Variants in RBM25 observed in about 807,000 individuals in gnomAD.
RBM25 encodes RNA-binding protein 25.
RBM25 carries 19 observed loss-of-function variants against 120.7 expected under a neutral mutation model. The ratio of observed to expected loss-of-function variants is 0.16; its 90% CI spans 0.11 to 0.23. RBM25 has a LOEUF of 0.23. Ranked by LOEUF, RBM25 falls within the 10% of genes least tolerant of loss-of-function variation. The pLI, the probability that RBM25 is intolerant of heterozygous loss-of-function variation, is 1.00. For synonymous variants in RBM25, 390 were observed against 326.7 expected (o/e 1.19, Z -2.09); for missense variants, 605 against 1,041.5 (o/e 0.58, Z 5.77).
chr14:73,064,640 G>A (rs1006821988), intron 1 of RBM25, among the ~76,000 whole-genome samples: 2 of 151,094 alleles, frequency 1.3e-5, no homozygotes, highest in African/African-American at 2.4e-5. Context: ...TGATCCGCCC[G>A]CCTCAGCCTC....
At chr14:73,087,963 G>T (rs1375020294) in intron 5 of RBM25, 38 bp from the exon 6 acceptor site, 5 of 1,581,044 alleles carry the variant, frequency 3.2e-6, no homozygotes, top group Non-Finnish European at 4.3e-6. Flanking sequence ...TTTTGTAAGT[G>T]AATTGGTATT....
At chr14:73,086,611 TATTA>T (rs1895691840) in intron 5 of RBM25, among the ~76,000 whole-genome samples, 2 of 152,204 alleles carry the variant, frequency 1.3e-5, no homozygotes, top group Non-Finnish European at 2.9e-5. Context: ...GATGATAAAC[TATTA>T]ATTACTGAGT....
intron 7 of RBM25, among the ~76,000 whole-genome samples, chr14:73,098,126 G>A (rs1895988080): frequency 6.6e-6 from 1 of 152,050 alleles, no homozygotes; most frequent in South Asian, 2.1e-4. Flanking sequence ...ACAAATATTG[G>A]AAGTGTTTTA....
At chr14:73,096,200 C>T (rs562791633) in intron 6 of RBM25, among the ~76,000 whole-genome samples, 14 of 152,252 alleles carry the variant, frequency 9.2e-5, no homozygotes, top group Admixed American at 6.5e-4. Context: ...TGGTCTTGAA[C>T]TCCTGACCTC....
At position 73,097,203 on chromosome 14, in the gene RBM25, T is replaced by TTC. The variant is rs1280501260; in HGVS notation, c.729+104_729+105insCT. 218 of 738,312 alleles carry TTC rather than the reference T, an allele frequency of 3.0e-4. 3 individuals are homozygous for TTC. In the African/African-American group the frequency reaches 4.6e-3, roughly 16 times the overall value. 45.7% of individuals were successfully genotyped at this position (738,312 alleles called of 1,614,324 possible). A position where few individuals can be genotyped will look rare whatever the true frequency, so the allele number is the denominator to read the frequency against. ...AGTTTTCTTTTTTCTTTTCTTTTTT[T>TTC]TTTTTTTTTTTTTTTGAGATGGAGG... On this transcript the variant is annotated intron_variant, in intron 7 of 18. Transcript: ENST00000261973.
At chr14:73,106,522 T>A (rs1896191688) in intron 12 of RBM25, among the ~76,000 whole-genome samples, 1 of 152,180 alleles carries the variant, frequency 6.6e-6, no homozygotes, top group Admixed American at 6.5e-5. Flanking sequence ...AGTAAATTTG[T>A]CATATAGTAA....
At chr14:73,119,108 A>G (rs1274481551) in intron 18 of RBM25, among the ~76,000 whole-genome samples, 1 of 152,104 alleles carries the variant, frequency 6.6e-6, no homozygotes, top group Non-Finnish European at 1.5e-5. Flanking sequence ...CACACTGGAC[A>G]AATTTTCTTT....
intron 5 of RBM25, among the ~76,000 whole-genome samples, chr14:73,087,097 TC>T (rs1204535731): frequency 6.6e-6 from 1 of 152,214 alleles, no homozygotes; most frequent in African/African-American, 2.4e-5. Flanking sequence ...GTAGTTTTTT[TC>T]TGTTTCCTGT....
intron 4 of RBM25, among the ~76,000 whole-genome samples, chr14:73,082,919 A>C (rs967333716): frequency 6.6e-6 from 1 of 151,502 alleles, no homozygotes; most frequent in African/African-American, 2.4e-5. Context: ...AAAAAAAAAA[A>C]ACAAAAAACA....
At position 73,102,771 on chromosome 14, in the gene RBM25, G is replaced by A. The variant is rs750128757; in HGVS notation, c.868-421G>A. On this transcript the variant is annotated intron_variant, in intron 9 of 18. Transcript: ENST00000261973. Reference sequence around the variant, plus strand: ...ACTTGCCCTTTGAAACCCTCAACTTGAGGTAATGTGCAGTCTGGGGTTTTA... The same window carrying A: ...ACTTGCCCTTTGAAACCCTCAACTTAAGGTAATGTGCAGTCTGGGGTTTTA... 2.0e-4 allele frequency: 32 copies of A among 160,308 alleles called. 1 individual carries two copies. The highest frequency in any genetic ancestry group is 1.1e-3 in the Admixed American group (18 of 16,868). 9.9% of individuals were successfully genotyped at this position (160,308 alleles called of 1,614,324 possible).
At chr14:73,100,261 A>T (rs1330786917) in intron 9 of RBM25, 1 of 662,956 alleles carries the variant, frequency 1.5e-6, no homozygotes, top group Non-Finnish European at 2.8e-6. Context: ...GTAAATTCCC[A>T]TAAAGCTAAT....
At chr14:73,063,750 C>G (rs966590984) in intron 1 of RBM25, among the ~76,000 whole-genome samples, 1 of 151,296 alleles carries the variant, frequency 6.6e-6, no homozygotes, top group African/African-American at 2.4e-5. Context: ...GTATCCTGTT[C>G]CCTTCCAGGC....
chr14:73,079,205 T>C (rs2140433476), intron 4 of RBM25, among the ~76,000 whole-genome samples: 1 of 150,638 alleles, frequency 6.6e-6, no homozygotes, highest in South Asian at 2.1e-4. Flanking sequence ...AGTGGATCAC[T>C]TGAGGTCAGG....
chr14:73,078,092 CAGG>C (rs1283536120), intron 4 of RBM25, among the ~76,000 whole-genome samples: 1 of 152,032 alleles, frequency 6.6e-6, no homozygotes, highest in Admixed American at 6.6e-5. Context: ...CATTTGTGGT[CAGG>C]AGTTCGAGAC....
At chr14:73,111,858 C>T (rs1435368064) in intron 16 of RBM25, 56 bp downstream of exon 16, 1 of 1,491,202 alleles carries the variant, frequency 6.7e-7, no homozygotes, top group East Asian at 2.3e-5. Context: ...ATATGCCATA[C>T]AAATTCATTT....
chr14:73,080,477 C>A (rs1446348758), intron 4 of RBM25, among the ~76,000 whole-genome samples: 2 of 152,154 alleles, frequency 1.3e-5, no homozygotes, highest in Non-Finnish European at 2.9e-5. Flanking sequence ...CCCGCTTTGG[C>A]CTCCCAAAGT....
chr14:73,105,126 C>CTTTTTTTTTTTTTTTTTTTTTTTTTTTT (rs34862161), intron 10 of RBM25, among the ~76,000 whole-genome samples: 1 of 109,564 alleles, frequency 9.1e-6, no homozygotes, highest in African/African-American at 3.8e-5. Context: ...GGTTTTATTA[C>CTTTTTTTTTTTTTTTTTTTTTTTTTTTT]TTTTTTTTTT....
chr14:73,088,522 T>A, intron 6 of RBM25: 2 of 399,000 alleles, frequency 5.0e-6, no homozygotes, highest in South Asian at 1.9e-5. Flanking sequence ...TTAGTTTCCC[T>A]CTCTTTTAGA....
At chr14:73,100,473 C>A (rs961468589) in intron 9 of RBM25, 3 of 487,126 alleles carry the variant, frequency 6.2e-6, no homozygotes, top group African/African-American at 5.9e-5. Flanking sequence ...ATCCCACTCA[C>A]GAGTTTTGCC....
Sources: allele counts gnomAD v4.1 joint callset (sites outside exome capture counted in the v4.1 genomes callset), GRCh38; gene constraint gnomAD v4.1.1; transcripts MANE v1.5; gene names NCBI Gene and HGNC (gene_info 2026-07-23, HGNC 2026-07-21).